The following MAP4K4 variants were observed in gnomAD, a reference collection of about 807,000 sequenced individuals.
MAP4K4 encodes the protein HPK/GCK-like kinase HGK.
MAP4K4 carries 38 observed loss-of-function variants against 189.6 expected under a neutral mutation model. The observed-to-expected ratio is 0.20, with a 90% CI of 0.15 to 0.26. MAP4K4 has a LOEUF of 0.26. Ranked by LOEUF, MAP4K4 falls within the 10% of genes least tolerant of loss-of-function variation. MAP4K4 has a pLI of 1.00. For missense variants in MAP4K4, 1,054 were observed against 1,726.9 expected, an observed-to-expected ratio of 0.61 and a Z score of 6.91; for synonymous variants, 610 against 624.3, an observed-to-expected ratio of 0.98 and a Z score of 0.34.
At chr2:101,869,906 A>G (rs567565919) in intron 22 of MAP4K4, 109 bp downstream of exon 22, 16 of 1,387,322 alleles carry the variant, frequency 1.2e-5, no homozygotes, top group African/African-American at 1.0e-4. Flanking sequence ...AGCACTTACT[A>G]TGTAGTTCTC....
intron 2 of MAP4K4, among the ~76,000 whole-genome samples, chr2:101,751,417 T>C (rs2068864944): frequency 6.6e-6 from 1 of 152,204 alleles, no homozygotes; most frequent in Non-Finnish European, 1.5e-5. Flanking sequence ...TCCCAGCTTG[T>C]GGTTGGGAAC....
chr2:101,741,098 G>A (rs2062551659), intron 2 of MAP4K4, among the ~76,000 whole-genome samples: 1 of 151,530 alleles, frequency 6.6e-6, no homozygotes, highest in South Asian at 2.1e-4. Flanking sequence ...GAGCACTACT[G>A]TATTATAAAC....
In MAP4K4 at chr2:101,721,825, A is replaced by G. The variant is rs527501458; in HGVS notation, c.123+23287A>G. On this transcript the variant is annotated intron_variant, in intron 2 of 32. Coordinates refer to ENST00000324219, the Ensembl canonical transcript of MAP4K4. Reference sequence around the variant, plus strand: ...AGAATTCAAGAATTGTTAAAAAGCAAGGGTGTGTTTTCTTCAGCTTTCCCT... The same window carrying G: ...AGAATTCAAGAATTGTTAAAAAGCAGGGGTGTGTTTTCTTCAGCTTTCCCT... 3.3e-5 allele frequency among the ~76,000 whole-genome samples: 5 copies of G among 152,318 alleles called. No homozygotes were observed. The East Asian group carries it at 9.6e-4, about 29-fold the overall frequency.
At chr2:101,781,738 CT>C (rs1266025407) in intron 2 of MAP4K4, among the ~76,000 whole-genome samples, 2 of 152,158 alleles carry the variant, frequency 1.3e-5, no homozygotes, top group South Asian at 4.1e-4. Flanking sequence ...CCATAGCACC[CT>C]TTTTGAAAGA....
intron 9 of MAP4K4, among the ~76,000 whole-genome samples, chr2:101,838,769 GA>G (rs2096836473): frequency 6.6e-6 from 1 of 152,194 alleles, no homozygotes; most frequent in East Asian, 1.9e-4. Flanking sequence ...AGTTTTAATG[GA>G]AATACCAGAC....
chr2:101,870,535 A>G, intron 23 of MAP4K4, 120 bp downstream of exon 23: 1 of 1,394,252 alleles, frequency 7.2e-7, no homozygotes, highest in Non-Finnish European at 9.7e-7. Flanking sequence ...AACAAGTCCC[A>G]GAGGGTCAAG....
chr2:101,887,354 GGT>G lies in MAP4K4; in HGVS notation c.3771+119_3771+120del, dbSNP rs2098502777. On this transcript the variant is annotated intron_variant, in intron 30 of 32. Coordinates refer to ENST00000324219, the Ensembl canonical transcript of MAP4K4. Reference sequence around the variant, plus strand: ...GGGATTCATTTCCCCTTGGTGTGGGGGTGAGTATTTAAATGATACGCAATTTT... The same window carrying G: ...GGGATTCATTTCCCCTTGGTGTGGGGGAGTATTTAAATGATACGCAATTTT... 7 of 1,041,638 alleles carry G rather than the reference GGT, an allele frequency of 6.7e-6. No homozygotes were observed. In the African/African-American group the frequency reaches 1.1e-4, roughly 17 times the overall value. 64.5% of individuals were successfully genotyped at this position (1,041,638 alleles called of 1,614,324 possible). A position where few individuals can be genotyped will look rare whatever the true frequency, so the allele number is the denominator to read the frequency against.
intron 30 of MAP4K4, 113 bp downstream of exon 30, chr2:101,887,350 T>C: frequency 1.9e-6 from 2 of 1,060,666 alleles, no homozygotes; most frequent in Non-Finnish European, 1.3e-6. Flanking sequence ...CCCCTTGGTG[T>C]GGGGGTGAGT....
At chr2:101,839,886 G>C in exon 10 of MAP4K4, 1 of 1,613,868 alleles carries the variant, frequency 6.2e-7, no homozygotes, top group Non-Finnish European at 8.5e-7. Flanking sequence ...GCCCTCTACA[G>C]AGCAGCTTTT....
At chr2:101,796,257 G>A (rs977162976) in intron 3 of MAP4K4, among the ~76,000 whole-genome samples, 1 of 152,314 alleles carries the variant, frequency 6.6e-6, no homozygotes, top group Non-Finnish European at 1.5e-5. Context: ...GCTGCTGCGA[G>A]TACTTGGAAA....
At chr2:101,869,025 T>C (rs997618786) in intron 21 of MAP4K4, among the ~76,000 whole-genome samples, 1 of 152,126 alleles carries the variant, frequency 6.6e-6, no homozygotes, top group African/African-American at 2.4e-5. Flanking sequence ...GTTATGTTTC[T>C]ACAACTTTTA....
intron 2 of MAP4K4, among the ~76,000 whole-genome samples, chr2:101,775,355 T>TA (rs758131693): frequency 5.9e-5 from 9 of 151,730 alleles, no homozygotes; most frequent in Non-Finnish European, 1.3e-4. Context: ...ATTTGTATCT[T>TA]ACCAAGTTTA....
At chr2:101,752,688 A>G (rs2069784917) in intron 2 of MAP4K4, among the ~76,000 whole-genome samples, 1 of 152,238 alleles carries the variant, frequency 6.6e-6, no homozygotes. Context: ...TTAGCTGAAG[A>G]AAAAACCGAA....
At chr2:101,698,397 C>A in intron 1 of MAP4K4, 76 bp from the exon 2 acceptor site, 1 of 1,349,318 alleles carries the variant, frequency 7.4e-7, no homozygotes, top group Non-Finnish European at 1.1e-6. Flanking sequence ...CGCCTTTTCT[C>A]TCCAACTGCC....
intron 3 of MAP4K4, among the ~76,000 whole-genome samples, chr2:101,819,779 T>C (rs997964585): frequency 2.6e-5 from 4 of 152,238 alleles, no homozygotes; most frequent in African/African-American, 9.6e-5. Context: ...ATTTTAGTTG[T>C]TCTTCTAAAT....
chr2:101,823,883 C>A, intron 3 of MAP4K4, 45 bp from the exon 4 acceptor site: 2 of 1,529,408 alleles, frequency 1.3e-6, no homozygotes, highest in Admixed American at 2.0e-5. Flanking sequence ...TAAAGTCATT[C>A]ACATCGTTCA....
intron 2 of MAP4K4, among the ~76,000 whole-genome samples, chr2:101,736,176 G>C (rs1030932820): frequency 4.6e-5 from 7 of 152,214 alleles, no homozygotes; most frequent in African/African-American, 1.7e-4. Context: ...CCCTACATCT[G>C]ATCTGCTCCC....
chr2:101,782,765 C>T (rs2150578954), intron 2 of MAP4K4, among the ~76,000 whole-genome samples: 1 of 152,276 alleles, frequency 6.6e-6, no homozygotes, highest in East Asian at 1.9e-4. Context: ...TGAGCTGTCT[C>T]AGGTTGATTA....
intron 2 of MAP4K4, among the ~76,000 whole-genome samples, chr2:101,729,386 C>T (rs544688686): frequency 3.9e-5 from 6 of 152,080 alleles, no homozygotes; most frequent in Non-Finnish European, 8.8e-5. Flanking sequence ...AAATAGAGTG[C>T]ATCACATATG....
Sources: allele counts gnomAD v4.1 joint callset (sites outside exome capture counted in the v4.1 genomes callset), GRCh38; gene constraint gnomAD v4.1.1; transcripts MANE v1.5; gene names NCBI Gene and HGNC (gene_info 2026-07-23, HGNC 2026-07-21).